The following PEX2 variants were observed in gnomAD, a reference collection of about 807,000 sequenced individuals.
PEX2 encodes peroxisome biogenesis factor 2.
A neutral mutation model predicts 25.2 loss-of-function variants in PEX2; 19 were observed. The ratio of observed to expected loss-of-function variants is 0.75; its 90% CI spans 0.53 to 1.10. The LOEUF is 1.10. PEX2 is among the 50% of genes least tolerant of loss of function. The pLI is 0.00. For synonymous variants in PEX2, 141 were observed against 127.7 expected (o/e 1.10, Z -0.70); for missense variants, 347 against 350.6 (o/e 0.99, Z 0.08).
chr8:76,994,564 A>C (rs1300318728), intron 1 of PEX2, among the ~76,000 whole-genome samples: 1 of 152,166 alleles, frequency 6.6e-6, no homozygotes, highest in Non-Finnish European at 1.5e-5. Context: ...AGGTATTACC[A>C]TTAGGCATAT....
intron 1 of PEX2, chr8:76,999,735 G>A: frequency 4.8e-6 from 2 of 418,982 alleles, no homozygotes; most frequent in South Asian, 3.4e-5. Context: ...GGAATGCAGA[G>A]GGGCTCAACT....
rs779946897 is a variant in PEX2, at chr8:76,984,050, T to C, written c.129A>G (p.Gly43=). The C allele has an allele frequency of 1.5e-5, 24 of 1,612,980 alleles. No individual in the cohort carries two copies. In the Admixed American group the frequency reaches 4.0e-4, roughly 27 times the overall value. The change falls in exon 4 of 4, where the codon GGA becomes GGG. Residue 43 remains glycine, a synonymous_variant. Transcript: ENST00000357039. The part of the protein sequence containing the change: ...VWSQFTQCFH[G]FKPGLLARFE... Reference sequence around the variant, plus strand: ...AGCGAGCTAACAGCCCAGGTTTAAATCCATGAAAGCACTGAGTAAACTGGG... The same window carrying C: ...AGCGAGCTAACAGCCCAGGTTTAAACCCATGAAAGCACTGAGTAAACTGGG...
chr8:76,997,474 T>C (rs1807372475), intron 1 of PEX2, among the ~76,000 whole-genome samples: 1 of 151,890 alleles, frequency 6.6e-6, no homozygotes, highest in African/African-American at 2.4e-5. Context: ...GAGGCTGAGG[T>C]AGGAGAACTG....
rs752091971 is a variant in PEX2 at position 76,981,167 on chromosome 8, T to C, written c.*2094A>G. 6.6e-6 allele frequency: 1 copy of C among 152,226 alleles called. No individual in the cohort carries two copies. The highest frequency in any genetic ancestry group is 1.5e-5 in the Non-Finnish European group (1 of 68,046). 9.4% of individuals were successfully genotyped at this position (152,226 alleles called of 1,614,324 possible). On this transcript the variant is annotated 3_prime_UTR_variant, in exon 4 of 4. Transcript: ENST00000357039. ...GAATAGGAATATGATGGCATATACA[T>C]AGCATTTTAAAAATATATTATGGCT...
rs1303715323 is a variant in PEX2, at chr8:76,982,209, C to CA, written c.*1051dup. 1.3e-5 allele frequency: 2 copies of CA among 152,048 alleles called. No homozygotes were observed. Among genetic ancestry groups the CA allele is most frequent in the African/African-American group, 4.8e-5 (2 of 41,394 alleles). 9.4% of individuals were successfully genotyped at this position (152,048 alleles called of 1,614,324 possible). A position where few individuals can be genotyped will look rare whatever the true frequency, so the allele number is the denominator to read the frequency against. The stretch of plus-strand genomic sequence containing the variant: ...GAATTTACTTTTAAGTAAAAAAAGG[C>CA]AGAGAAAAAGAGTGAAGGATACAGA... On this transcript the variant is annotated 3_prime_UTR_variant, in exon 4 of 4. Coordinates refer to ENST00000357039, the MANE Select transcript of PEX2 (RefSeq NM_000318.3).
intron 1 of PEX2, among the ~76,000 whole-genome samples, chr8:76,989,764 T>C (rs780276451): frequency 6.6e-6 from 1 of 152,222 alleles, no homozygotes; most frequent in African/African-American, 2.4e-5. Flanking sequence ...TGTGCTGTCA[T>C]CCAGGCTTTG....
At position 76,981,483 on chromosome 8, in the gene PEX2, C is replaced by CA. The variant is rs1323136581; in HGVS notation, c.*1777dup. 11 of 152,028 alleles carry CA rather than the reference C, an allele frequency of 7.2e-5. No homozygotes were observed. The highest frequency in any genetic ancestry group is 6.6e-4 in the Admixed American group (10 of 15,260). 9.4% of individuals were successfully genotyped at this position (152,028 alleles called of 1,614,324 possible). A position where few individuals can be genotyped will look rare whatever the true frequency, so the allele number is the denominator to read the frequency against. ...TTCTCACCAAAAACAAACAAACAAA[C>CA]AAAAAACAAAGACGTTTGTATATAT... On this transcript the variant is annotated 3_prime_UTR_variant, in exon 4 of 4. Transcript: ENST00000357039.
rs886063139 is a variant in PEX2 at position 76,983,170 on chromosome 8, T to C, written c.*91A>G. On this transcript the variant is annotated 3_prime_UTR_variant, in exon 4 of 4. Coordinates refer to ENST00000357039, the MANE Select transcript of PEX2 (RefSeq NM_000318.3). ...ACAGTGGCTAGGAGCACATTCCTTA[T>C]AAAGGATACATAAATGGTATACTTA... The C allele has an allele frequency of 8.8e-6, 14 of 1,595,772 alleles. No individual in the cohort carries two copies. In the East Asian group the frequency reaches 2.5e-4, roughly 28 times the overall value.
rs747816180 is a variant in PEX2, at chr8:76,983,317, G to A, written c.862C>T (p.His288Tyr). 1.5e-5 allele frequency: 24 copies of A among 1,613,818 alleles called. No individual in the cohort carries two copies. Among genetic ancestry groups the A allele is most frequent in the Non-Finnish European group, 1.9e-5 (22 of 1,180,004 alleles). The change falls in exon 4 of 4, where the codon CAC (histidine) becomes TAC (tyrosine). Residue 288 changes from histidine (H) to tyrosine (Y), a missense_variant. Transcript: ENST00000357039. The part of the protein sequence containing the change: ...FTCPKCGTEV[H>Y]SLQPLKSGIE... ...CCTGATTTCAGTGGCTGCAGACTGT[G>A]TACTTCTGTGCCACACTTAGGACAA...
In PEX2 at chr8:76,981,686, G is replaced by A. The variant is rs919466864; in HGVS notation, c.*1575C>T. ...ATAATTTTGTAAATAAGAAATGTAC[G>A]TGCAACAAATCTACAAATATAGTAA... On this transcript the variant is annotated 3_prime_UTR_variant, in exon 4 of 4. Coordinates refer to ENST00000357039, the MANE Select transcript of PEX2 (RefSeq NM_000318.3). 1 of 152,036 alleles carries A rather than the reference G, an allele frequency of 6.6e-6. No homozygotes were observed. Among genetic ancestry groups the A allele is most frequent in the Non-Finnish European group, 1.5e-5 (1 of 68,022 alleles). 9.4% of individuals were successfully genotyped at this position (152,036 alleles called of 1,614,324 possible).
rs1314998003 is a variant in PEX2, at chr8:76,991,628, G to T, written c.-159-3290C>A. Among the ~76,000 whole-genome samples, 9 of 152,250 alleles carry T rather than the reference G, an allele frequency of 5.9e-5. No homozygotes were observed. The East Asian group carries it at 1.4e-3, about 23-fold the overall frequency. On this transcript the variant is annotated intron_variant, in intron 1 of 3. Transcript: ENST00000357039. ...ATTACACACCATAGTTCATTAAAGT[G>T]GAATACTTCTCCCATGCTCTACATT...
chr8:76,990,451 CT>C (rs1586074781), intron 1 of PEX2, among the ~76,000 whole-genome samples: 2 of 152,286 alleles, frequency 1.3e-5, no homozygotes, highest in East Asian at 3.9e-4. Flanking sequence ...CCTGTGTTGG[CT>C]TCTGACATGG....
intron 1 of PEX2, among the ~76,000 whole-genome samples, chr8:76,999,451 A>G (rs548610377): frequency 8.5e-4 from 129 of 152,376 alleles, no homozygotes; most frequent in South Asian, 7.5e-3. Flanking sequence ...AACGTGAAAT[A>G]TAACTAATTT....
chr8:76,988,236 T>C (rs1586073193), intron 2 of PEX2, 71 bp downstream of exon 2: 1 of 152,236 alleles, frequency 6.6e-6, no homozygotes, highest in Non-Finnish European at 1.5e-5. Flanking sequence ...AGTCCTGTGG[T>C]CTCTGCTCCT....
rs1806939718 is a variant in PEX2 at position 76,984,246 on chromosome 8, C to A, written c.-17-51G>T. 12 of 1,414,166 alleles carry A rather than the reference C, an allele frequency of 8.5e-6. No individual in the cohort carries two copies. In the South Asian group the frequency reaches 1.3e-4, roughly 15 times the overall value. 87.6% of individuals were successfully genotyped at this position (1,414,166 alleles called of 1,614,324 possible). A position where few individuals can be genotyped will look rare whatever the true frequency, so the allele number is the denominator to read the frequency against. On this transcript the variant is annotated intron_variant, in intron 3 of 3. Transcript: ENST00000357039. ...ATTAGCAAAGAGTTGCAATCTTGTA[C>A]AACCTCCTCAACTTATGCCTGGAAA...
At chr8:76,984,253 C>G (rs1177490954) in intron 3 of PEX2, 58 bp from the exon 4 acceptor site, 1 of 1,377,156 alleles carries the variant, frequency 7.3e-7, no homozygotes, top group Non-Finnish European at 1.0e-6. Flanking sequence ...GTACAACCTC[C>G]TCAACTTATG....
chr8:76,981,954 G>T lies in PEX2; in HGVS notation c.*1307C>A, dbSNP rs539067985. 1 of 152,260 alleles carries T rather than the reference G, an allele frequency of 6.6e-6. No individual in the cohort carries two copies. Among genetic ancestry groups the T allele is most frequent in the South Asian group, 2.1e-4 (1 of 4,822 alleles). 9.4% of individuals were successfully genotyped at this position (152,260 alleles called of 1,614,324 possible). ...AATGTAAACTCCATGAAGGTAACTT[G>T]ATTTTTCCTGCTTAATATACTGTTG... On this transcript the variant is annotated 3_prime_UTR_variant, in exon 4 of 4. Transcript: ENST00000357039.
chr8:76,990,257 AG>A (rs1261091947), intron 1 of PEX2, among the ~76,000 whole-genome samples: 1 of 147,012 alleles, frequency 6.8e-6, no homozygotes, highest in Non-Finnish European at 1.5e-5. Flanking sequence ...TTTGGCTTAA[AG>A]GAATTTTGTG....
intron 1 of PEX2, among the ~76,000 whole-genome samples, chr8:76,996,142 A>G (rs1807323472): frequency 6.6e-6 from 1 of 152,210 alleles, no homozygotes; most frequent in African/African-American, 2.4e-5. Context: ...GACAATCCCA[A>G]TGAACTTGTT....
Sources: gnomAD v4.1 joint callset for allele counts (sites outside exome capture counted in the v4.1 genomes callset) on GRCh38, gnomAD v4.1.1 for gene constraint, MANE v1.5 for transcripts, NCBI Gene and HGNC (gene_info 2026-07-23, HGNC 2026-07-21) for gene names.